Variants in TRPM3 observed in about 807,000 individuals in gnomAD.
The protein encoded by TRPM3 is transient receptor potential cation channel subfamily M member 3, also known as long transient receptor potential channel 3.
A neutral mutation model predicts 181.2 loss-of-function variants in TRPM3; 77 were observed. The observed-to-expected ratio is 0.42, with a 90% confidence interval of 0.35 to 0.51. TRPM3 has a LOEUF of 0.51. Ranked by LOEUF, TRPM3 falls within the 20% of genes least tolerant of loss-of-function variation. The probability of loss-of-function intolerance (pLI) is 0.01; values close to 1 mark genes in which losing one functional copy is unlikely to be tolerated. For missense variants in TRPM3, 1,759 were observed against 2,196.7 expected, an observed-to-expected ratio of 0.80 and a Z score of 3.98; for synonymous variants, 745 against 796.4, an observed-to-expected ratio of 0.94 and a Z score of 1.09.
intron 19 of TRPM3, among the ~76,000 whole-genome samples, chr9:70,605,195 A>T (rs2060817391): frequency 6.6e-6 from 1 of 151,928 alleles, no homozygotes; most frequent in Non-Finnish European, 1.5e-5. Flanking sequence ...ACCTCAAGTG[A>T]TCTGCCCGCC....
chr9:70,870,995 C>T (rs140651803), intron 1 of TRPM3, among the ~76,000 whole-genome samples: 33 of 151,588 alleles, frequency 2.2e-4, no homozygotes, highest in Middle Eastern at 3.4e-3. Flanking sequence ...GAGGTTATTA[C>T]GGATGAGTAT....
chr9:71,390,221 G>A (rs966864635), intron 1 of TRPM3, among the ~76,000 whole-genome samples: 5 of 151,980 alleles, frequency 3.3e-5, no homozygotes, highest in African/African-American at 9.7e-5. Flanking sequence ...AAAGCAGGAG[G>A]CAAAATTATT....
At chr9:71,116,519 C>A (rs1346899825) in intron 1 of TRPM3, among the ~76,000 whole-genome samples, 2 of 152,154 alleles carry the variant, frequency 1.3e-5, no homozygotes, top group Non-Finnish European at 2.9e-5. Flanking sequence ...TTGGATCTTA[C>A]TTTGCTTCAG....
At chr9:71,377,548 T>TC (rs1412854064) in intron 1 of TRPM3, among the ~76,000 whole-genome samples, 2 of 152,118 alleles carry the variant, frequency 1.3e-5, no homozygotes, top group African/African-American at 4.8e-5. Flanking sequence ...CCCACCTCTC[T>TC]CATCTCTCAG....
At chr9:71,199,572 A>G (rs1420134835) in intron 1 of TRPM3, among the ~76,000 whole-genome samples, 1 of 152,128 alleles carries the variant, frequency 6.6e-6, no homozygotes, top group East Asian at 1.9e-4. Flanking sequence ...ATCTATTCAG[A>G]GATTCAACTT....
chr9:71,002,770 C>T (rs80215112), intron 1 of TRPM3, among the ~76,000 whole-genome samples: 3,125 of 152,088 alleles, frequency 0.021, 109 homozygotes, highest in African/African-American at 0.071. Flanking sequence ...GATTTGAATG[C>T]AAGTTGTAGA....
chr9:71,329,768 A>C (rs1426204664), intron 1 of TRPM3, among the ~76,000 whole-genome samples: 1 of 152,134 alleles, frequency 6.6e-6, no homozygotes, highest in African/African-American at 2.4e-5. Context: ...GCCTGGCCCT[A>C]GGATTTGGGG....
intron 3 of TRPM3, among the ~76,000 whole-genome samples, chr9:70,853,679 G>A (rs567148437): frequency 2.0e-5 from 3 of 152,172 alleles, no homozygotes; most frequent in Non-Finnish European, 4.4e-5. Context: ...GGAACATTTG[G>A]TTAACTGTAG....
chr9:70,648,647 C>A (rs772156366), intron 9 of TRPM3, among the ~76,000 whole-genome samples: 4 of 149,958 alleles, frequency 2.7e-5, no homozygotes, highest in East Asian at 3.9e-4. Context: ...AAAAAAGACA[C>A]GTAAACCAGT....
Position 70,537,240 on chromosome 9 carries a change from G to A in TRPM3, c.3873C>T (p.Asn1291=), listed in dbSNP as rs781445129. 2 of 1,597,284 alleles carry A rather than the reference G, an allele frequency of 1.3e-6. No individual in the cohort carries two copies. Among genetic ancestry groups the A allele is most frequent in the Non-Finnish European group, 1.7e-6 (2 of 1,167,546 alleles). The change falls in exon 26 of 26, where the codon AAC becomes AAT. Residue 1291 remains asparagine (N), a synonymous_variant. Coordinates refer to ENST00000677713, the MANE Select transcript of TRPM3 (RefSeq NM_001366145.2). The part of the protein sequence containing the change: ...RLTGLERAES[N]KIRSRTSSDC... Reference sequence around the variant, plus strand: ...CTGACGAGGTCCTCGAGCGGATTTTGTTGGACTCGGCCCGCTCCAGACCTG... The same window carrying A: ...CTGACGAGGTCCTCGAGCGGATTTTATTGGACTCGGCCCGCTCCAGACCTG...
At chr9:70,740,579 ATACTC>A (rs1359221266) in intron 8 of TRPM3, among the ~76,000 whole-genome samples, 17 of 152,220 alleles carry the variant, frequency 1.1e-4, no homozygotes, top group Non-Finnish European at 2.1e-4. Flanking sequence ...ACTTCAAACT[ATACTC>A]TAATGCCATA....
intron 1 of TRPM3, among the ~76,000 whole-genome samples, chr9:71,400,786 G>T (rs1321945958): frequency 1.3e-5 from 2 of 148,834 alleles, no homozygotes; most frequent in Non-Finnish European, 3.0e-5. Flanking sequence ...TATTTTACTA[G>T]TTCTTTTTTT....
chr9:71,028,698 C>G (rs902706383), intron 1 of TRPM3, among the ~76,000 whole-genome samples: 2 of 150,148 alleles, frequency 1.3e-5, no homozygotes, highest in Non-Finnish European at 3.0e-5. Flanking sequence ...CAGCAAAGAT[C>G]AAAAATGATT....
chr9:70,535,949 A>C lies in TRPM3; in HGVS notation c.*4T>G. The C allele has an allele frequency of 6.4e-7, 1 of 1,566,212 alleles. No homozygotes were observed. Among genetic ancestry groups the C allele is most frequent in the Non-Finnish European group, 8.6e-7 (1 of 1,158,860 alleles). ...GAGCCTTCTGTGGCGGATATTAAGAAGGTTTAGTTGTGCTTGCTTTCAAAG... is the reference window on the plus strand; with the variant it reads ...GAGCCTTCTGTGGCGGATATTAAGACGGTTTAGTTGTGCTTGCTTTCAAAG... On this transcript the variant is annotated 3_prime_UTR_variant, in exon 26 of 26. Transcript: ENST00000677713.
At chr9:71,344,050 TGATA>T (rs1554880747) in intron 1 of TRPM3, among the ~76,000 whole-genome samples, 35 of 149,474 alleles carry the variant, frequency 2.3e-4, no homozygotes, top group East Asian at 2.0e-3. Flanking sequence ...TAGATTAGAT[TGATA>T]GATAGATAAA....
intron 6 of TRPM3, chr9:70,810,180 T>C (rs1435860105): frequency 2.2e-6 from 1 of 448,650 alleles, no homozygotes; most frequent in South Asian, 1.6e-5. Flanking sequence ...GGTCCTCTGC[T>C]TGCCTCCACC....
At chr9:71,067,075 C>G (rs1007522225) in intron 1 of TRPM3, among the ~76,000 whole-genome samples, 2 of 152,146 alleles carry the variant, frequency 1.3e-5, no homozygotes, top group African/African-American at 4.8e-5. Flanking sequence ...CTCCCACATG[C>G]ATAAAAGCAC....
chr9:70,899,058 A>G (rs765948136), intron 1 of TRPM3, among the ~76,000 whole-genome samples: 37 of 152,234 alleles, frequency 2.4e-4, no homozygotes, highest in Non-Finnish European at 3.7e-4. Flanking sequence ...GCCTGCATAA[A>G]GTGTTTGGAG....
chr9:70,693,194 T>C (rs2069102451), intron 8 of TRPM3, among the ~76,000 whole-genome samples: 1 of 152,244 alleles, frequency 6.6e-6, no homozygotes, highest in African/African-American at 2.4e-5. Context: ...CAATTGATGT[T>C]ACCTCTTTCA....
Sources: gnomAD v4.1 joint callset for allele counts (sites outside exome capture counted in the v4.1 genomes callset) on GRCh38, gnomAD v4.1.1 for gene constraint, MANE v1.5 for transcripts, NCBI Gene and HGNC (gene_info 2026-07-23, HGNC 2026-07-21) for gene names.